Variants in PTPRD observed in about 807,000 individuals in gnomAD.
The protein encoded by PTPRD is receptor-type tyrosine-protein phosphatase delta.
Under a neutral mutation model 214.5 loss-of-function variants are expected in PTPRD, and 34 were observed. That is an observed-to-expected ratio of 0.16 (90% CI 0.12 to 0.21). The LOEUF is 0.21. Among genes scored for constraint, PTPRD ranks in the 10% least tolerant of loss-of-function variants. The pLI, the probability that PTPRD is intolerant of heterozygous loss-of-function variation, is 1.00. For missense variants in PTPRD, 2,545 were observed against 2,398.7 expected, an observed-to-expected ratio of 1.06 and a Z score of -1.27; for synonymous variants, 1,128 against 845.7, an observed-to-expected ratio of 1.33 and a Z score of -5.79.
At chr9:8,624,030 T>C (rs892774588) in intron 14 of PTPRD, among the ~76,000 whole-genome samples, 4 of 151,978 alleles carry the variant, frequency 2.6e-5, no homozygotes, top group African/African-American at 4.8e-5. Context: ...ATAAAACAGT[T>C]ATAGATTTTT....
At chr9:9,843,783 T>G (rs1425803724) in intron 5 of PTPRD, among the ~76,000 whole-genome samples, 1 of 151,994 alleles carries the variant, frequency 6.6e-6, no homozygotes, top group Non-Finnish European at 1.5e-5. Flanking sequence ...AATATTAAAA[T>G]GAAAACCGAA....
At chr9:8,452,771 T>C (rs1048678517) in intron 33 of PTPRD, among the ~76,000 whole-genome samples, 1 of 152,154 alleles carries the variant, frequency 6.6e-6, no homozygotes, top group African/African-American at 2.4e-5. Context: ...ATGTGGGTAA[T>C]ACACAATACA....
At chr9:9,809,831 G>T (rs1361553161) in intron 5 of PTPRD, among the ~76,000 whole-genome samples, 3 of 152,132 alleles carry the variant, frequency 2.0e-5, no homozygotes, top group Non-Finnish European at 4.4e-5. Context: ...TTTGATACTG[G>T]ATATAAATTT....
chr9:10,040,588 G>A (rs1319062128), intron 3 of PTPRD, among the ~76,000 whole-genome samples: 2 of 151,958 alleles, frequency 1.3e-5, no homozygotes, highest in East Asian at 1.9e-4. Context: ...ACTTAGCAAC[G>A]AGAGGCTATA....
chr9:10,177,601 T>A (rs2099257015), intron 3 of PTPRD, among the ~76,000 whole-genome samples: 1 of 151,832 alleles, frequency 6.6e-6, no homozygotes. Context: ...TGTGGTGAAC[T>A]ATGATAGGGG....
chr9:10,508,876 T>C (rs907557699), intron 2 of PTPRD, among the ~76,000 whole-genome samples: 1 of 152,068 alleles, frequency 6.6e-6, no homozygotes, highest in Non-Finnish European at 1.5e-5. Context: ...CACACCAACA[T>C]GGTACATGTA....
At chr9:8,568,629 T>C (rs2090156655) in intron 14 of PTPRD, among the ~76,000 whole-genome samples, 1 of 152,132 alleles carries the variant, frequency 6.6e-6, no homozygotes, top group Non-Finnish European at 1.5e-5. Context: ...TAGATTTAAT[T>C]TTCTATATCA....
chr9:8,976,550 G>C (rs2099269016), intron 11 of PTPRD, among the ~76,000 whole-genome samples: 1 of 152,022 alleles, frequency 6.6e-6, no homozygotes. Context: ...GTTTAATCTG[G>C]ACTACATCAA....
intron 7 of PTPRD, among the ~76,000 whole-genome samples, chr9:9,670,949 T>A (rs2096821365): frequency 6.6e-6 from 1 of 152,086 alleles, no homozygotes; most frequent in Admixed American, 6.6e-5. Flanking sequence ...CTACTCGTAG[T>A]GGAGTAGTAA....
At chr9:9,297,299 C>T (rs181629785) in intron 9 of PTPRD, among the ~76,000 whole-genome samples, 225 of 151,444 alleles carry the variant, frequency 1.5e-3, no homozygotes, top group African/African-American at 5.2e-3. Context: ...TCTTTATAGG[C>T]CAGAAAATAC....
intron 35 of PTPRD, among the ~76,000 whole-genome samples, chr9:8,420,187 C>A (rs2094256418): frequency 6.6e-6 from 1 of 152,090 alleles, no homozygotes; most frequent in African/African-American, 2.4e-5. Flanking sequence ...AACCCTTGGA[C>A]TCAGAATTCA....
intron 3 of PTPRD, among the ~76,000 whole-genome samples, chr9:10,122,978 C>T (rs2098788508): frequency 6.6e-6 from 1 of 152,224 alleles, no homozygotes; most frequent in Non-Finnish European, 1.5e-5. Flanking sequence ...CGCTTGTTAA[C>T]AACTATGCTT....
At chr9:10,544,895 T>A (rs959366248) in intron 2 of PTPRD, among the ~76,000 whole-genome samples, 1 of 152,168 alleles carries the variant, frequency 6.6e-6, no homozygotes, top group African/African-American at 2.4e-5. Flanking sequence ...TATAATAAAA[T>A]TTCAGAACTC....
rs2097892994 is a variant in PTPRD at position 8,855,179 on chromosome 9, C to G, written c.-103-121233G>C. Reference sequence around the variant, plus strand: ...CTAGGAAGGGTTTGCATATGCCATACCAGGATACCTCCTGGATATAAGAAC... The same window carrying G: ...CTAGGAAGGGTTTGCATATGCCATAGCAGGATACCTCCTGGATATAAGAAC... On this transcript the variant is annotated intron_variant, in intron 11 of 45. Coordinates refer to ENST00000381196, the MANE Select transcript of PTPRD (RefSeq NM_002839.4). Among the ~76,000 whole-genome samples, 3 of 151,294 alleles carry G rather than the reference C, an allele frequency of 2.0e-5. No homozygotes were observed. In the South Asian group the frequency reaches 6.3e-4, roughly 32 times the overall value.
At chr9:8,464,272 T>C (rs1266922596) in intron 32 of PTPRD, among the ~76,000 whole-genome samples, 1 of 152,004 alleles carries the variant, frequency 6.6e-6, no homozygotes, top group Non-Finnish European at 1.5e-5. Flanking sequence ...TCTCAAATAT[T>C]TAAAAGTCAT....
chr9:9,068,495 G>A (rs1042043598), intron 10 of PTPRD, among the ~76,000 whole-genome samples: 4 of 152,024 alleles, frequency 2.6e-5, no homozygotes, highest in Non-Finnish European at 4.4e-5. Context: ...TTTAGTTTCT[G>A]ACATTCACTA....
At chr9:9,837,152 T>A (rs568803395) in intron 5 of PTPRD, among the ~76,000 whole-genome samples, 1 of 152,098 alleles carries the variant, frequency 6.6e-6, no homozygotes, top group African/African-American at 2.4e-5. Context: ...GTGTATTAAG[T>A]ATGTGTGTGG....
intron 2 of PTPRD, among the ~76,000 whole-genome samples, chr9:10,443,425 A>G (rs1276081125): frequency 6.6e-6 from 1 of 151,634 alleles, no homozygotes; most frequent in Non-Finnish European, 1.5e-5. Context: ...CCCTTGAATC[A>G]AACGAAATTT....
intron 2 of PTPRD, among the ~76,000 whole-genome samples, chr9:10,538,879 C>G (rs1335429352): frequency 6.6e-6 from 1 of 152,078 alleles, no homozygotes; most frequent in Non-Finnish European, 1.5e-5. Flanking sequence ...TTTAAACAAG[C>G]TGCTTCTACC....
Sources: gnomAD v4.1 joint callset for allele counts (sites outside exome capture counted in the v4.1 genomes callset) on GRCh38, gnomAD v4.1.1 for gene constraint, MANE v1.5 for transcripts, NCBI Gene and HGNC (gene_info 2026-07-23, HGNC 2026-07-21) for gene names.